ITGAE: variants seen among roughly 807,000 people sequenced by gnomAD.
ITGAE encodes integrin subunit alpha E.
A neutral mutation model predicts 136.5 loss-of-function variants in ITGAE; 99 were observed. The observed-to-expected ratio is 0.73, with a 90% CI of 0.62 to 0.86. ITGAE has a LOEUF of 0.86. ITGAE is among the 40% of genes least tolerant of loss of function. ITGAE has a pLI of 0.00. For synonymous variants in ITGAE, 613 were observed against 591.8 expected (o/e 1.04, Z -0.52); for missense variants, 1,447 against 1,515.3 (o/e 0.95, Z 0.75).
At chr17:3,767,770 G>A (rs919675817) in intron 2 of ITGAE, among the ~76,000 whole-genome samples, 3 of 152,076 alleles carry the variant, frequency 2.0e-5, no homozygotes, top group Admixed American at 6.6e-5. Context: ...CTACAGGAGC[G>A]AGTTACCTTG....
intron 26 of ITGAE, 49 bp from the exon 27 acceptor site, chr17:3,723,793 G>C: frequency 6.3e-7 from 1 of 1,598,452 alleles, no homozygotes; most frequent in Non-Finnish European, 8.5e-7. Flanking sequence ...CAAGCCGCCA[G>C]TTTTCCGTCC....
At chr17:3,754,723 C>G in intron 12 of ITGAE, 1 of 261,954 alleles carries the variant, frequency 3.8e-6, no homozygotes, top group Non-Finnish European at 7.6e-6. Context: ...CATCCGGAAA[C>G]CTCAAGTGCA....
intron 1 of ITGAE, among the ~76,000 whole-genome samples, chr17:3,795,944 C>T (rs35550913): frequency 0.014 from 1,490 of 107,064 alleles, 16 homozygotes; most frequent in Middle Eastern, 0.051. Flanking sequence ...TGTGTGCATC[C>T]GTGTGTGCAT....
chr17:3,732,250 GA>G, intron 22 of ITGAE, 117 bp downstream of exon 22: 1 of 789,896 alleles, frequency 1.3e-6, no homozygotes, highest in Non-Finnish European at 2.2e-6. Flanking sequence ...CACTGCTGGG[GA>G]CACACTGCAG....
At chr17:3,725,340 C>CT in intron 26 of ITGAE, 1 of 1,614,186 alleles carries the variant, frequency 6.2e-7, no homozygotes, top group Non-Finnish European at 8.5e-7. Context: ...GGAATGCAGT[C>CT]AGAAGGGTCC....
rs1208333239 is a variant in ITGAE, at chr17:3,760,430, C to CTTTTTTTT, written c.599-151_599-144dup. 11 of 64,220 alleles carry CTTTTTTTT rather than the reference C, an allele frequency of 1.7e-4. 1 individual carries two copies. Among genetic ancestry groups the CTTTTTTTT allele is most frequent in the Non-Finnish European group, 2.2e-4 (8 of 36,066 alleles). The allele number at this position is 64,220 out of a possible 1,614,324, so 4.0% of individuals were successfully genotyped here. On this transcript the variant is annotated intron_variant, in intron 6 of 30. Transcript: ENST00000263087. ...GTTGGAGAAGCTCCCAAGAGGGAAG[C>CTTTTTTTT]TTTTTTTTTTTTTTTTTTTTTTTTT...
intron 23 of ITGAE, 101 bp from the exon 24 acceptor site, chr17:3,729,656 G>C (rs1003876787): frequency 1.2e-6 from 1 of 813,776 alleles, no homozygotes; most frequent in Non-Finnish European, 2.2e-6. Flanking sequence ...GTGCAGTGTT[G>C]CCGTCTCAGC....
intron 2 of ITGAE, among the ~76,000 whole-genome samples, chr17:3,773,650 T>C (rs941524606): frequency 3.3e-5 from 5 of 152,140 alleles, no homozygotes; most frequent in Non-Finnish European, 7.4e-5. Context: ...CCCCAAACCC[T>C]GTCCTTTTGA....
intron 1 of ITGAE, among the ~76,000 whole-genome samples, chr17:3,778,133 C>T (rs577132040): frequency 6.6e-6 from 1 of 152,184 alleles, no homozygotes; most frequent in East Asian, 1.9e-4. Flanking sequence ...TTCGGAAGAG[C>T]CCCAAACTGC....
chr17:3,735,028 G>C, intron 20 of ITGAE, 79 bp from the exon 21 acceptor site: 1 of 1,517,032 alleles, frequency 6.6e-7, no homozygotes, highest in South Asian at 1.2e-5. Flanking sequence ...GACATTCACC[G>C]AGGCTAGAGC....
intron 22 of ITGAE, among the ~76,000 whole-genome samples, chr17:3,731,692 C>T (rs1264272874): frequency 7.2e-5 from 11 of 152,054 alleles, no homozygotes; most frequent in Non-Finnish European, 1.0e-4. Context: ...GCAAGGCAGG[C>T]GGCCTCATTC....
chr17:3,797,292 A>G (rs1395528261), intron 1 of ITGAE, among the ~76,000 whole-genome samples: 1 of 149,008 alleles, frequency 6.7e-6, no homozygotes, highest in African/African-American at 2.5e-5. Context: ...CAGCCTCCCG[A>G]GTAGCTGGGA....
At chr17:3,736,416 G>A (rs1323487867) in intron 20 of ITGAE, among the ~76,000 whole-genome samples, 1 of 152,210 alleles carries the variant, frequency 6.6e-6, no homozygotes, top group Non-Finnish European at 1.5e-5. Context: ...CCAATTCACT[G>A]TGACCCTAGG....
intron 1 of ITGAE, among the ~76,000 whole-genome samples, chr17:3,797,328 G>C (rs1425356392): frequency 6.6e-6 from 1 of 150,960 alleles, no homozygotes; most frequent in Non-Finnish European, 1.5e-5. Context: ...ACCATGCCCA[G>C]CTAATTTTTT....
At chr17:3,764,734 G>A (rs1024042483) in intron 2 of ITGAE, among the ~76,000 whole-genome samples, 14 of 152,106 alleles carry the variant, frequency 9.2e-5, no homozygotes, top group Non-Finnish European at 1.0e-4. Flanking sequence ...GGAGGTTTGG[G>A]GGTGGCTGCC....
intron 19 of ITGAE, 71 bp from the exon 20 acceptor site, chr17:3,739,949 T>A: frequency 7.8e-7 from 1 of 1,281,926 alleles, no homozygotes; most frequent in Non-Finnish European, 1.1e-6. Context: ...CCGGCTCTTC[T>A]CCTTATAGGA....
chr17:3,719,671 A>T (rs2051011113), intron 29 of ITGAE, among the ~76,000 whole-genome samples: 1 of 152,226 alleles, frequency 6.6e-6, no homozygotes, highest in African/African-American at 2.4e-5. Flanking sequence ...GATACAGCAC[A>T]CTAAGACAGT....
intron 2 of ITGAE, among the ~76,000 whole-genome samples, chr17:3,766,945 T>G (rs1055849460): frequency 2.6e-5 from 4 of 151,990 alleles, no homozygotes; most frequent in African/African-American, 9.7e-5. Context: ...AGCCTGCTTC[T>G]TCTCATCTTC....
intron 2 of ITGAE, among the ~76,000 whole-genome samples, chr17:3,768,664 C>T (rs903955008): frequency 2.0e-5 from 3 of 152,224 alleles, no homozygotes. Context: ...GTCACCTCCT[C>T]ATAAATGCTT....
Sources: gnomAD v4.1 joint callset for allele counts (sites outside exome capture counted in the v4.1 genomes callset) on GRCh38, gnomAD v4.1.1 for gene constraint, MANE v1.5 for transcripts, NCBI Gene and HGNC (gene_info 2026-07-23, HGNC 2026-07-21) for gene names.